Variants in HELLS observed in about 807,000 individuals in gnomAD.
The protein encoded by HELLS is lymphoid-specific helicase.
In HELLS, 32 loss-of-function variants were observed where a neutral mutation model predicts 120.0. The ratio of observed to expected loss-of-function variants is 0.27; its 90% CI spans 0.20 to 0.36. HELLS has a LOEUF of 0.36. HELLS is among the 10% of genes least tolerant of loss of function. HELLS has a pLI of 1.00. For synonymous variants in HELLS, 341 were observed against 323.4 expected, an observed-to-expected ratio of 1.05 and a Z score of -0.58; for missense variants, 650 against 993.4, an observed-to-expected ratio of 0.65 and a Z score of 4.65.
chr10:94,584,103 T>G, intron 12 of HELLS: 1 of 1,381,538 alleles, frequency 7.2e-7, no homozygotes, highest in Non-Finnish European at 9.6e-7. Flanking sequence ...ACTTATTTAC[T>G]CAAGCTTCAT....
intron 6 of HELLS, among the ~76,000 whole-genome samples, chr10:94,566,995 C>G (rs1843832718): frequency 6.6e-6 from 1 of 152,088 alleles, no homozygotes; most frequent in Admixed American, 6.6e-5. Context: ...CTTCTTTCTT[C>G]TGTATATTTA....
intron 1 of HELLS, 52 bp downstream of exon 1, chr10:94,546,004 G>A: frequency 6.5e-7 from 1 of 1,544,426 alleles, no homozygotes; most frequent in Non-Finnish European, 8.8e-7. Context: ...GGGCTGAGGT[G>A]GGCAAGCATG....
chr10:94,553,867 G>T (rs1210116759), intron 2 of HELLS, among the ~76,000 whole-genome samples: 1 of 152,002 alleles, frequency 6.6e-6, no homozygotes, highest in Non-Finnish European at 1.5e-5. Context: ...TTTTTAAATG[G>T]ACCTTCCAAC....
At chr10:94,591,100 C>T (rs766745457) in intron 15 of HELLS, among the ~76,000 whole-genome samples, 1 of 152,256 alleles carries the variant, frequency 6.6e-6, no homozygotes, top group Non-Finnish European at 1.5e-5. Flanking sequence ...TCCCAGAGTG[C>T]TAGGATTACA....
rs1441475235 is a variant in HELLS, at chr10:94,596,931, T to G, written c.2320T>G (p.Leu774Val). Residue 774 changes from leucine to valine, a missense_variant, in exon 20 of 22, where the codon TTA (leucine) becomes GTA (valine). This residue lies in a region of HELLS where 90 missense variants were observed against 109.2 expected (regional missense o/e 0.82). Transcript: ENST00000348459. ...CTTAGATCCTAAGGAATTAATGGAA[T>G]TATTAAAATCTAGAGATTATGAAAG... ...NFLDPKELME[L>V]LKSRDYEREI... is the part of the protein sequence containing the mutation. 1.3e-6 allele frequency: 2 copies of G among 1,504,610 alleles called. No homozygotes were observed. Among genetic ancestry groups the G allele is most frequent in the Non-Finnish European group, 1.8e-6 (2 of 1,082,374 alleles). The allele number at this position is 1,504,610 out of a possible 1,614,324, so 93.2% of individuals were successfully genotyped here. A position where few individuals can be genotyped will look rare whatever the true frequency, so the allele number is the denominator to read the frequency against.
chr10:94,565,861 A>G (rs1212854455), intron 6 of HELLS, among the ~76,000 whole-genome samples: 2 of 152,260 alleles, frequency 1.3e-5, no homozygotes, highest in East Asian at 3.9e-4. Context: ...TAGCCTGCAT[A>G]CAGAGAGAGA....
chr10:94,577,409 C>T (rs1440219378), intron 10 of HELLS: 1 of 187,708 alleles, frequency 5.3e-6, no homozygotes, highest in Non-Finnish European at 1.1e-5. Flanking sequence ...CCTCTTAGTG[C>T]AGTCCCCTTA....
chr10:94,596,966 T>G lies in HELLS; in HGVS notation c.2345+10T>G. 6.8e-7 allele frequency: 1 copy of G among 1,468,246 alleles called. No homozygotes were observed. The highest frequency in any genetic ancestry group is 1.2e-5 in the South Asian group (1 of 85,716). 91.0% of individuals were successfully genotyped at this position (1,468,246 alleles called of 1,614,324 possible). ...CTAGAGATTATGAAAGGTGAGTTTT[T>G]AATTTTAGAAAGATTTAATTTGTAG... On this transcript the variant is annotated intron_variant, in intron 20 of 21. Coordinates refer to ENST00000348459, the MANE Select transcript of HELLS (RefSeq NM_018063.5).
chr10:94,605,251 T>G (rs1846116547), downstream of HELLS, among the ~76,000 whole-genome samples: 2 of 151,886 alleles, frequency 1.3e-5, no homozygotes, highest in Admixed American at 1.3e-4. Context: ...CCCAGCTAAT[T>G]TTTGTATTTT....
At chr10:94,550,183 G>T (rs1842916166) in intron 2 of HELLS, among the ~76,000 whole-genome samples, 1 of 151,534 alleles carries the variant, frequency 6.6e-6, no homozygotes, top group Admixed American at 6.6e-5. Context: ...ACCTCCTAAA[G>T]TGCTGGGATT....
chr10:94,566,003 G>A (rs1342274353), intron 6 of HELLS, among the ~76,000 whole-genome samples: 1 of 151,730 alleles, frequency 6.6e-6, no homozygotes, highest in Non-Finnish European at 1.5e-5. Flanking sequence ...AGTGATCCTC[G>A]TATCTCACAC....
At chr10:94,550,281 CTTGT>C (rs755628349) in intron 2 of HELLS, among the ~76,000 whole-genome samples, 43 of 150,230 alleles carry the variant, frequency 2.9e-4, no homozygotes, top group Middle Eastern at 7.0e-3. Context: ...GTTTTTTTTG[CTTGT>C]TTGTTTGTTT....
chr10:94,595,215 A>G (rs1459348986), intron 19 of HELLS, among the ~76,000 whole-genome samples: 2 of 149,788 alleles, frequency 1.3e-5, no homozygotes. Context: ...GTAACAGAAC[A>G]AGACTCTGTC....
At chr10:94,580,116 AGTATATAT>A (rs1172974046) in intron 10 of HELLS, among the ~76,000 whole-genome samples, 1 of 51,676 alleles carries the variant, frequency 1.9e-5, no homozygotes, top group Non-Finnish European at 3.5e-5. Context: ...CCATTATAAA[AGTATATAT>A]ATATATATAT....
intron 3 of HELLS, among the ~76,000 whole-genome samples, chr10:94,554,644 G>GTTTTTTTTTTTTTTTTTTTTTTTT: frequency 9.7e-6 from 1 of 103,072 alleles, no homozygotes; most frequent in South Asian, 3.5e-4. Flanking sequence ...AAGTAATAGT[G>GTTTTTTTTTTTTTTTTTTTTTTTT]TTTTTTTTTT....
At chr10:94,593,672 T>TG (rs1845602606) in intron 18 of HELLS, 57 bp downstream of exon 18, 1 of 1,171,610 alleles carries the variant, frequency 8.5e-7, no homozygotes, top group African/African-American at 1.5e-5. Context: ...TGAATTTTTT[T>TG]TTTTTTTTGA....
intron 10 of HELLS, among the ~76,000 whole-genome samples, chr10:94,580,153 AT>A (rs34132815): frequency 0.029 from 1,936 of 66,176 alleles, 73 homozygotes; most frequent in African/African-American, 0.087. Context: ...ATATATATAT[AT>A]ATATATATAC....
intron 8 of HELLS, 66 bp downstream of exon 8, chr10:94,574,253 G>A (rs987503697): frequency 9.7e-7 from 1 of 1,032,640 alleles, no homozygotes; most frequent in Non-Finnish European, 1.5e-6. Context: ...ATGATTTGAG[G>A]TACCACAACT....
At chr10:94,602,793 G>T (rs966198970), downstream of HELLS, among the ~76,000 whole-genome samples, 32 of 152,090 alleles carry the variant, frequency 2.1e-4, no homozygotes, top group Admixed American at 1.9e-3. Flanking sequence ...AGAACATTTG[G>T]TTAAATAAAA....
Sources: gnomAD v4.1 joint callset for allele counts (sites outside exome capture counted in the v4.1 genomes callset) on GRCh38, gnomAD v4.1.1 for gene constraint, gnomAD v4.1.1 regional missense constraint, MANE v1.5 for transcripts, NCBI Gene and HGNC (gene_info 2026-07-23, HGNC 2026-07-21) for gene names.